The following CCSER1 variants were observed in gnomAD, a reference collection of about 807,000 sequenced individuals.
CCSER1 encodes serine-rich coiled-coil domain-containing protein 1.
Under a neutral mutation model 82.0 loss-of-function variants are expected in CCSER1, and 41 were observed. The observed-to-expected ratio is 0.50, with a 90% CI of 0.39 to 0.65. The LOEUF (loss-of-function observed/expected upper bound fraction) is 0.65, where lower values mean the gene tolerates loss of function less well. Among genes scored for constraint, CCSER1 ranks in the 30% least tolerant of loss-of-function variants. The pLI, the probability that CCSER1 is intolerant of heterozygous loss-of-function variation, is 0.00. For missense variants in CCSER1, 1,119 were observed against 1,064.2 expected (o/e 1.05, Z -0.72); for synonymous variants, 414 against 383.9 (o/e 1.08, Z -0.92).
rs538509118 is a variant in CCSER1, at chr4:91,255,700, T to C, written c.2217+169706T>C. On this transcript the variant is annotated intron_variant, in intron 10 of 10. Transcript: ENST00000509176. ...TGTTAGTTCTCCAAATTAATACTTT[T>C]ATAATTTCTTATGCCTGTCTTTACT... is the stretch of plus-strand genomic sequence containing the variant. 7.2e-5 allele frequency among the ~76,000 whole-genome samples: 11 copies of C among 152,336 alleles called. No homozygotes were observed. In the East Asian group the frequency reaches 1.5e-3, roughly 21 times the overall value.
At chr4:91,179,021 G>C (rs1400376245) in intron 10 of CCSER1, among the ~76,000 whole-genome samples, 2 of 152,188 alleles carry the variant, frequency 1.3e-5, no homozygotes, top group African/African-American at 4.8e-5. Context: ...CTCAGCATTT[G>C]CTTGTCTGTA....
At chr4:90,820,833 A>G (rs1759637852) in intron 8 of CCSER1, among the ~76,000 whole-genome samples, 1 of 151,874 alleles carries the variant, frequency 6.6e-6, no homozygotes. Context: ...CGATGTGAAA[A>G]ACGTATATTG....
Position 91,094,929 on chromosome 4 carries a change from G to A in CCSER1, c.2217+8935G>A, listed in dbSNP as rs563960926. ...AGCAAGTCTCTCCCTAAAAAGGCAA[G>A]GGGCAATCAGGTATATACAGAAATT... On this transcript the variant is annotated intron_variant, in intron 10 of 10. Coordinates refer to ENST00000509176, the MANE Select transcript of CCSER1 (RefSeq NM_001145065.2). 1.4e-4 allele frequency among the ~76,000 whole-genome samples: 21 copies of A among 152,256 alleles called. No homozygotes were observed. The East Asian group carries it at 3.9e-3, about 28-fold the overall frequency.
intron 1 of CCSER1, among the ~76,000 whole-genome samples, chr4:90,227,966 G>T (rs770497910): frequency 3.2e-4 from 49 of 152,312 alleles, no homozygotes; most frequent in Admixed American, 7.2e-4. Flanking sequence ...TGGCTCGGAG[G>T]GTCCTACGCC....
intron 10 of CCSER1, among the ~76,000 whole-genome samples, chr4:91,376,751 G>C (rs1380902439): frequency 6.6e-6 from 1 of 151,750 alleles, no homozygotes; most frequent in African/African-American, 2.4e-5. Context: ...CAAAGTAAAC[G>C]TTTAGGGTAG....
At chr4:90,227,919 T>A (rs535478455) in intron 1 of CCSER1, among the ~76,000 whole-genome samples, 2 of 152,204 alleles carry the variant, frequency 1.3e-5, no homozygotes, top group East Asian at 1.9e-4. Flanking sequence ...TCCGACGGGC[T>A]TAAAAAACGC....
At chr4:91,183,247 A>G (rs1243225334) in intron 10 of CCSER1, among the ~76,000 whole-genome samples, 1 of 152,236 alleles carries the variant, frequency 6.6e-6, no homozygotes, top group Non-Finnish European at 1.5e-5. Flanking sequence ...AAATCACATT[A>G]ATAGGCATAG....
intron 6 of CCSER1, among the ~76,000 whole-genome samples, chr4:90,712,029 TCTTA>T (rs946429439): frequency 1.3e-5 from 2 of 151,986 alleles, no homozygotes; most frequent in South Asian, 2.1e-4. Flanking sequence ...GATATTTGAA[TCTTA>T]CTTCTTTTCT....
At chr4:91,231,761 A>G (rs1738647027) in intron 10 of CCSER1, among the ~76,000 whole-genome samples, 1 of 151,824 alleles carries the variant, frequency 6.6e-6, no homozygotes, top group Admixed American at 6.6e-5. Flanking sequence ...CATTAAAATC[A>G]CAATAATATC....
chr4:90,830,961 A>G (rs1286730092), intron 8 of CCSER1, among the ~76,000 whole-genome samples: 1 of 152,078 alleles, frequency 6.6e-6, no homozygotes, highest in African/African-American at 2.4e-5. Flanking sequence ...TTAATCTGTA[A>G]TCATTTCACT....
intron 10 of CCSER1, among the ~76,000 whole-genome samples, chr4:91,518,172 T>G (rs1001383224): frequency 1.3e-5 from 2 of 152,156 alleles, no homozygotes; most frequent in Non-Finnish European, 2.9e-5. Context: ...CCTCCCCAGC[T>G]TGGTAGCAGC....
At position 91,496,732 on chromosome 4, in the gene CCSER1, A is replaced by G. The variant is rs1317322437; in HGVS notation, c.2218-101840A>G. Among the ~76,000 whole-genome samples, 20 of 71,496 alleles carry G rather than the reference A, an allele frequency of 2.8e-4. 8 individuals carry two copies. The highest frequency in any genetic ancestry group is 1.4e-3 in the Admixed American group (7 of 4,936). 46.9% of individuals were successfully genotyped at this position (71,496 alleles called of 152,430 possible). On this transcript the variant is annotated intron_variant, in intron 10 of 10. Transcript: ENST00000509176. ...TATATTCAATATATAGAATATATAT[A>G]TATATTGAATATATATTTGAATATA...
chr4:90,429,400 A>G (rs1243019505), intron 4 of CCSER1, among the ~76,000 whole-genome samples: 4 of 151,870 alleles, frequency 2.6e-5, no homozygotes, highest in Non-Finnish European at 5.9e-5. Flanking sequence ...CTATCTGCAC[A>G]TGTGAAATTT....
At chr4:91,003,177 G>A (rs1717776593) in intron 9 of CCSER1, among the ~76,000 whole-genome samples, 3 of 152,222 alleles carry the variant, frequency 2.0e-5, no homozygotes, top group African/African-American at 7.2e-5. Context: ...GACTCTGTGA[G>A]GGTCCTTGGC....
chr4:91,439,720 TC>T (rs1383851382), intron 10 of CCSER1, among the ~76,000 whole-genome samples: 1 of 151,672 alleles, frequency 6.6e-6, no homozygotes, highest in Non-Finnish European at 1.5e-5. Flanking sequence ...AGGAAACCCA[TC>T]TCACGTGCAG....
chr4:91,006,990 A>G (rs1464432436), intron 9 of CCSER1, among the ~76,000 whole-genome samples: 2 of 152,084 alleles, frequency 1.3e-5, no homozygotes, highest in East Asian at 3.9e-4. Context: ...TCATGAGAAA[A>G]CATAGAATTT....
intron 5 of CCSER1, among the ~76,000 whole-genome samples, chr4:90,485,041 C>A (rs1766777330): frequency 6.6e-6 from 1 of 152,248 alleles, no homozygotes; most frequent in South Asian, 2.1e-4. Context: ...AGCTTCCCAG[C>A]CACTTTGTTT....
chr4:90,862,244 T>C (rs1327930475), intron 8 of CCSER1, among the ~76,000 whole-genome samples: 2 of 151,780 alleles, frequency 1.3e-5, no homozygotes, highest in Non-Finnish European at 2.9e-5. Flanking sequence ...AGCAATTAGA[T>C]TGTGTTTTCA....
At chr4:91,408,405 G>A (rs1036998432) in intron 10 of CCSER1, among the ~76,000 whole-genome samples, 1 of 152,148 alleles carries the variant, frequency 6.6e-6, no homozygotes, top group African/African-American at 2.4e-5. Flanking sequence ...TTGTTATCCA[G>A]TTCCAAACCA....
Sources: gnomAD v4.1 joint callset for allele counts (sites outside exome capture counted in the v4.1 genomes callset) on GRCh38, gnomAD v4.1.1 for gene constraint, MANE v1.5 for transcripts, NCBI Gene and HGNC (gene_info 2026-07-23, HGNC 2026-07-21) for gene names.